The following WSCD2 variants were observed in gnomAD, a reference collection of about 807,000 sequenced individuals.
WSCD2 encodes the protein WSC domain sialate O sulfotransferase 2.
WSCD2 carries 28 observed loss-of-function variants against 55.7 expected under a neutral mutation model. That is an observed-to-expected ratio of 0.50 (90% CI 0.37 to 0.69). The LOEUF is 0.69. Among genes scored for constraint, WSCD2 ranks in the 30% least tolerant of loss-of-function variants. The pLI is 0.00. For missense variants in WSCD2, 616 were observed against 762.1 expected (o/e 0.81, Z 2.26); for synonymous variants, 301 against 301.9 (o/e 1.00, Z 0.03).
intron 1 of WSCD2, among the ~76,000 whole-genome samples, chr12:108,195,049 G>A (rs1307010088): frequency 6.6e-6 from 1 of 151,870 alleles, no homozygotes; most frequent in Admixed American, 6.5e-5. Context: ...CCCCAACTAG[G>A]GCCCACTAGG....
chr12:108,134,157 T>C (rs541449767), intron 1 of WSCD2, among the ~76,000 whole-genome samples: 1 of 152,328 alleles, frequency 6.6e-6, no homozygotes, highest in South Asian at 2.1e-4. Context: ...AGGGCAGGAC[T>C]GGGCCACTGT....
At chr12:108,147,532 C>T (rs569894873) in intron 1 of WSCD2, among the ~76,000 whole-genome samples, 12 of 152,192 alleles carry the variant, frequency 7.9e-5, no homozygotes, top group South Asian at 6.2e-4. Context: ...TATCAAGGGA[C>T]GCTTGGATTG....
At chr12:108,190,381 G>A (rs1376861145) in intron 1 of WSCD2, among the ~76,000 whole-genome samples, 2 of 151,806 alleles carry the variant, frequency 1.3e-5, no homozygotes, top group Admixed American at 1.3e-4. Context: ...TGGTCTGGGG[G>A]TCAGTTGGTC....
In WSCD2 at chr12:108,195,289, C is replaced by A. The variant is rs547645094; in HGVS notation, c.-544C>A. ...GTCTCTGCTGTTTTGCAGGTGGCATCCCTGAGTCCTGATGCCTGACTGGAT... is the reference window on the plus strand; with the variant it reads ...GTCTCTGCTGTTTTGCAGGTGGCATACCTGAGTCCTGATGCCTGACTGGAT... On this transcript the variant is annotated 5_prime_UTR_variant, in exon 2 of 9. Transcript: ENST00000547525. 6.5e-6 allele frequency: 1 copy of A among 153,088 alleles called. No individual in the cohort carries two copies. The highest frequency in any genetic ancestry group is 2.4e-5 in the African/African-American group (1 of 41,558). 9.5% of individuals were successfully genotyped at this position (153,088 alleles called of 1,614,324 possible). A position where few individuals can be genotyped will look rare whatever the true frequency, so the allele number is the denominator to read the frequency against.
At chr12:108,182,839 GTT>G (rs370074193) in intron 1 of WSCD2, among the ~76,000 whole-genome samples, 29 of 148,398 alleles carry the variant, frequency 2.0e-4, no homozygotes, top group African/African-American at 6.6e-4. Context: ...TTTTAATATA[GTT>G]TTTTTTTTTC....
intron 1 of WSCD2, among the ~76,000 whole-genome samples, chr12:108,188,782 G>T (rs1882821333): frequency 6.6e-6 from 1 of 152,200 alleles, no homozygotes; most frequent in African/African-American, 2.4e-5. Context: ...TGAGGGATTA[G>T]TGGTTAAGAC....
Position 108,232,870 on chromosome 12 carries a change from C to T in WSCD2, c.1119C>T (p.Tyr373=). Residue 373 remains tyrosine (Y), a synonymous_variant, in exon 7 of 9, where the codon TAC becomes TAT. Coordinates refer to ENST00000547525, the MANE Select transcript of WSCD2 (RefSeq NM_014653.4). ...LATGFYTGSY[Y]FDGSLYNKGF... is the part of the protein sequence containing the mutation. The stretch of plus-strand genomic sequence containing the variant: ...CAGGCTTCTACACTGGCAGCTACTA[C>T]TTCGATGGCTCCCTCTACAACAAAG... 1 of 1,613,598 alleles carries T rather than the reference C, an allele frequency of 6.2e-7. No homozygotes were observed. Among genetic ancestry groups the T allele is most frequent in the Non-Finnish European group, 8.5e-7 (1 of 1,179,608 alleles).
At chr12:108,169,337 C>A (rs1879985181) in intron 1 of WSCD2, among the ~76,000 whole-genome samples, 1 of 152,056 alleles carries the variant, frequency 6.6e-6, no homozygotes, top group Non-Finnish European at 1.5e-5. Flanking sequence ...ATCCCCCCCA[C>A]CCCCTGGTCC....
intron 2 of WSCD2, 194 bp downstream of exon 2, chr12:108,196,408 T>G: frequency 1.1e-6 from 1 of 920,330 alleles, no homozygotes; most frequent in Non-Finnish European, 1.5e-6. Flanking sequence ...TGAAGCGGCT[T>G]GCCCAAGGTC....
chr12:108,187,830 C>T (rs1453585768), intron 1 of WSCD2, among the ~76,000 whole-genome samples: 1 of 152,170 alleles, frequency 6.6e-6, no homozygotes, highest in African/African-American at 2.4e-5. Context: ...CACCACCGCC[C>T]TGAGGCAGGT....
At chr12:108,135,395 A>AATCCAGTG (rs1394140113) in intron 1 of WSCD2, among the ~76,000 whole-genome samples, 1 of 152,250 alleles carries the variant, frequency 6.6e-6, no homozygotes, top group African/African-American at 2.4e-5. Flanking sequence ...CCTTTACTGG[A>AATCCAGTG]AGGAACTTCA....
Position 108,195,985 on chromosome 12 carries a change from C to T in WSCD2, c.153C>T (p.Asn51=), listed in dbSNP as rs751763494. The change falls in exon 2 of 9, where the codon AAC becomes AAT. Residue 51 remains asparagine, a synonymous_variant. Coordinates refer to ENST00000547525, the MANE Select transcript of WSCD2 (RefSeq NM_014653.4). ...GQPAVSGNQA[N]PAAAGGPAEG... Reference sequence around the variant, plus strand: ...CCGCTGTCTCGGGGAACCAGGCGAACCCCGCTGCTGCAGGAGGCCCAGCTG... The same window carrying T: ...CCGCTGTCTCGGGGAACCAGGCGAATCCCGCTGCTGCAGGAGGCCCAGCTG... 18 of 1,614,238 alleles carry T rather than the reference C, an allele frequency of 1.1e-5. No individual in the cohort carries two copies. In the East Asian group the frequency reaches 3.8e-4, roughly 34 times the overall value.
intron 4 of WSCD2, among the ~76,000 whole-genome samples, chr12:108,218,372 C>A (rs1684590067): frequency 1.3e-5 from 2 of 152,214 alleles, no homozygotes; most frequent in African/African-American, 4.8e-5. Flanking sequence ...CAGGATGGCT[C>A]ATCCTGAGCC....
In WSCD2 at chr12:108,143,893, C is replaced by T. The variant is rs116647536; in HGVS notation, c.-552+13967C>T. Among the ~76,000 whole-genome samples, 962 of 152,240 alleles carry T rather than the reference C, an allele frequency of 6.3e-3. 17 individuals are homozygous for T. The highest frequency in any genetic ancestry group is 0.022 in the African/African-American group (914 of 41,548). The stretch of plus-strand genomic sequence containing the variant: ...GGGATGCAGGGGGGCGGTCACAAAT[C>T]CAGATGCCTCCAGGACAGGTGGGTC... On this transcript the variant is annotated intron_variant, in intron 1 of 8. Coordinates refer to ENST00000547525, the MANE Select transcript of WSCD2 (RefSeq NM_014653.4).
chr12:108,212,894 G>A (rs1054872595), intron 4 of WSCD2, among the ~76,000 whole-genome samples: 9 of 152,200 alleles, frequency 5.9e-5, no homozygotes, highest in Non-Finnish European at 1.3e-4. Context: ...CCGTTGTTCC[G>A]AATCATCGCC....
intron 1 of WSCD2, among the ~76,000 whole-genome samples, chr12:108,140,853 C>A (rs890807841): frequency 6.6e-6 from 1 of 152,196 alleles, no homozygotes; most frequent in Non-Finnish European, 1.5e-5. Flanking sequence ...AGCCCTCCCA[C>A]CCCCTGGGCA....
chr12:108,164,137 TC>T (rs1293035827), intron 1 of WSCD2, among the ~76,000 whole-genome samples: 3,338 of 94,246 alleles, frequency 0.035, 1,190 homozygotes, highest in Middle Eastern at 0.055. Flanking sequence ...TAATCTTAAA[TC>T]CTTTTTTTTT....
At chr12:108,207,428 G>C (rs959208471) in intron 3 of WSCD2, among the ~76,000 whole-genome samples, 11 of 151,650 alleles carry the variant, frequency 7.3e-5, no homozygotes, top group Non-Finnish European at 1.2e-4. Context: ...GGAGTGCAGT[G>C]GCATAATCTC....
At chr12:108,132,111 G>A (rs937000627) in intron 1 of WSCD2, among the ~76,000 whole-genome samples, 22 of 149,832 alleles carry the variant, frequency 1.5e-4, no homozygotes, top group African/African-American at 4.4e-4. Context: ...AATTGTCAGG[G>A]AATGCAGTGG....
Sources: gnomAD v4.1 joint callset for allele counts (sites outside exome capture counted in the v4.1 genomes callset) on GRCh38, gnomAD v4.1.1 for gene constraint, MANE v1.5 for transcripts, NCBI Gene and HGNC (gene_info 2026-07-23, HGNC 2026-07-21) for gene names.